GRIP1: variants seen among roughly 807,000 people sequenced by gnomAD.
GRIP1 encodes glutamate receptor-interacting protein 1.
In GRIP1, 45 loss-of-function variants were observed where a neutral mutation model predicts 129.9. The observed-to-expected ratio is 0.35, with a 90% CI of 0.27 to 0.44. The LOEUF (loss-of-function observed/expected upper bound fraction) is 0.44. Ranked by LOEUF, GRIP1 falls within the 20% of genes least tolerant of loss-of-function variation. The pLI, the probability that GRIP1 is intolerant of heterozygous loss-of-function variation, is 1.00. For synonymous variants in GRIP1, 530 were observed against 520.8 expected (o/e 1.02, Z -0.24); for missense variants, 1,196 against 1,396.8 (o/e 0.86, Z 2.29).
intron 1 of GRIP1, among the ~76,000 whole-genome samples, chr12:66,729,284 T>G (rs1266510292): frequency 6.6e-6 from 1 of 152,156 alleles, no homozygotes; most frequent in Admixed American, 6.5e-5. Flanking sequence ...TTTAGGTTTT[T>G]GGCTAGTATT....
At position 66,717,797 on chromosome 12, in the gene GRIP1, T is replaced by TA. The variant is rs531983876; in HGVS notation, c.-420+86255dup. ...TAAACAAAATTAAATTAGTGATGTT[T>TA]AAAAAAATTGATTTAAATCTTACTG... On this transcript the variant is annotated intron_variant, in intron 1 of 4. Coordinates refer to the GRIP1 transcript ENST00000538373. Among the ~76,000 whole-genome samples the TA allele has an allele frequency of 7.9e-4, 120 of 152,234 alleles. 3 individuals carry two copies. The East Asian group carries it at 0.014, about 18-fold the overall frequency.
intron 1 of GRIP1, among the ~76,000 whole-genome samples, chr12:66,653,727 C>A (rs1442627415): frequency 6.6e-6 from 1 of 152,166 alleles, no homozygotes. Flanking sequence ...CAGTGGATAC[C>A]TCCAATAGAC....
At chr12:66,381,642 T>C (rs187112888) in intron 19 of GRIP1, among the ~76,000 whole-genome samples, 1 of 152,340 alleles carries the variant, frequency 6.6e-6, no homozygotes, top group Admixed American at 6.5e-5. Flanking sequence ...CATTTTAGAC[T>C]GATTTTCTTT....
chr12:66,834,145 TC>T (rs988543803), intron 1 of GRIP1, among the ~76,000 whole-genome samples: 30 of 122,246 alleles, frequency 2.5e-4, no homozygotes, highest in African/African-American at 9.2e-4. Context: ...GCCACTGCAC[TC>T]CAGCCTGTGC....
At chr12:66,822,179 A>G (rs2136988463) in intron 1 of GRIP1, among the ~76,000 whole-genome samples, 1 of 152,376 alleles carries the variant, frequency 6.6e-6, no homozygotes, top group South Asian at 2.1e-4. Flanking sequence ...CACACGTAGA[A>G]GCAGAATCCC....
chr12:66,771,287 T>C lies in GRIP1; in HGVS notation c.-420+32766A>G, dbSNP rs551884549. ...AATGATGATACTCTTATTCTCATTA[T>C]TACATTTTTCCAACCTGATACTCAA... On this transcript the variant is annotated intron_variant, in intron 1 of 4. Transcript: ENST00000538373. Among the ~76,000 whole-genome samples the C allele has an allele frequency of 1.1e-4, 17 of 152,330 alleles. No individual in the cohort carries two copies. The South Asian group carries it at 3.3e-3, about 30-fold the overall frequency.
At position 66,612,351 on chromosome 12, in the gene GRIP1, C is replaced by T. The variant is rs945660992; in HGVS notation, c.56-15424G>A. ...CAGAATACTGTAGGCAACTGTAACA[C>T]AATAGTATCTGTGTATCTCATATCT... On this transcript the variant is annotated intron_variant, in intron 1 of 24. Transcript: ENST00000359742. 2.6e-5 allele frequency among the ~76,000 whole-genome samples: 4 copies of T among 152,208 alleles called. No homozygotes were observed. In the South Asian group the frequency reaches 6.2e-4, roughly 24 times the overall value.
chr12:66,551,466 A>G (rs1592534564), intron 2 of GRIP1, among the ~76,000 whole-genome samples: 1 of 152,246 alleles, frequency 6.6e-6, no homozygotes, highest in East Asian at 1.9e-4. Context: ...TCCACTTAAT[A>G]GAGAAGTGAA....
chr12:66,939,167 G>A (rs562766303), intron 1 of GRIP1, among the ~76,000 whole-genome samples: 29 of 151,988 alleles, frequency 1.9e-4, no homozygotes, highest in Non-Finnish European at 4.0e-4. Context: ...AGAAGATGGG[G>A]TGGATGAATA....
At chr12:66,506,549 A>C (rs1231258315) in intron 7 of GRIP1, among the ~76,000 whole-genome samples, 2 of 152,196 alleles carry the variant, frequency 1.3e-5, no homozygotes, top group African/African-American at 2.4e-5. Context: ...GGGAGAAAAC[A>C]CAATGGGGCT....
At chr12:66,425,024 T>A (rs1339983833) in intron 14 of GRIP1, among the ~76,000 whole-genome samples, 1 of 152,080 alleles carries the variant, frequency 6.6e-6, no homozygotes, top group Non-Finnish European at 1.5e-5. Flanking sequence ...TTTCTCTCAC[T>A]CTTGGTGGTG....
At chr12:66,546,659 T>C (rs1013850435) in intron 2 of GRIP1, among the ~76,000 whole-genome samples, 21 of 152,270 alleles carry the variant, frequency 1.4e-4, no homozygotes, top group African/African-American at 4.3e-4. Flanking sequence ...CAAATGATGC[T>C]GGAGCAATTT....
intron 15 of GRIP1, among the ~76,000 whole-genome samples, chr12:66,413,403 T>A (rs981568478): frequency 1.3e-5 from 2 of 152,106 alleles, no homozygotes; most frequent in Admixed American, 6.6e-5. Context: ...TCTTTGAAAC[T>A]AATGAGAACA....
At chr12:66,586,555 T>C (rs1193891468) in intron 2 of GRIP1, among the ~76,000 whole-genome samples, 3 of 152,178 alleles carry the variant, frequency 2.0e-5, no homozygotes, top group African/African-American at 7.2e-5. Flanking sequence ...TCAAAATTTC[T>C]ATCTCCACCT....
intron 1 of GRIP1, among the ~76,000 whole-genome samples, chr12:66,748,460 T>C (rs541306452): frequency 2.6e-5 from 4 of 152,206 alleles, no homozygotes; most frequent in Non-Finnish European, 5.9e-5. Flanking sequence ...ATCCCTAATC[T>C]CACATGGTTC....
intron 14 of GRIP1, among the ~76,000 whole-genome samples, chr12:66,426,811 G>C (rs2058001764): frequency 6.6e-6 from 1 of 152,126 alleles, no homozygotes; most frequent in South Asian, 2.1e-4. Context: ...TATTAAACTT[G>C]GCTATCTGGC....
At chr12:66,882,006 T>C (rs181461273) in intron 1 of GRIP1, among the ~76,000 whole-genome samples, 1 of 152,250 alleles carries the variant, frequency 6.6e-6, no homozygotes, top group East Asian at 1.9e-4. Context: ...ATTTCACTTT[T>C]TCCTATCCCC....
At chr12:66,632,966 G>A (rs942774133) in intron 1 of GRIP1, among the ~76,000 whole-genome samples, 1 of 151,992 alleles carries the variant, frequency 6.6e-6, no homozygotes, top group Non-Finnish European at 1.5e-5. Context: ...CCCAGTGAGG[G>A]CAGAATACAG....
At chr12:66,797,393 A>C (rs1205381618) in intron 1 of GRIP1, among the ~76,000 whole-genome samples, 1 of 151,994 alleles carries the variant, frequency 6.6e-6, no homozygotes, top group African/African-American at 2.4e-5. Flanking sequence ...AGCTCTACTG[A>C]CTACACCTGC....
Sources: allele counts gnomAD v4.1 joint callset (sites outside exome capture counted in the v4.1 genomes callset), GRCh38; gene constraint gnomAD v4.1.1; transcripts MANE v1.5; gene names NCBI Gene and HGNC (gene_info 2026-07-23, HGNC 2026-07-21).